The following ZC3H7A variants were observed in gnomAD, a reference collection of about 807,000 sequenced individuals.
ZC3H7A encodes zinc finger CCCH-type containing 7A, also known as zinc finger CCCH domain-containing protein 7A.
In ZC3H7A, 44 loss-of-function variants were observed where a neutral mutation model predicts 125.5. That is an observed-to-expected ratio of 0.35 (90% CI 0.28 to 0.45). The LOEUF (loss-of-function observed/expected upper bound fraction) is 0.45. Ranked by LOEUF, ZC3H7A falls within the 20% of genes least tolerant of loss-of-function variation. The pLI is 1.00. For synonymous variants in ZC3H7A, 399 were observed against 391.2 expected (o/e 1.02, Z -0.23); for missense variants, 977 against 1,170.7 (o/e 0.83, Z 2.41).
chr16:11,793,729 C>T (rs1596409956), intron 1 of ZC3H7A, among the ~76,000 whole-genome samples: 1 of 152,154 alleles, frequency 6.6e-6, no homozygotes, highest in African/African-American at 2.4e-5. Flanking sequence ...ACCTGGGGCA[C>T]AAGGCAAGCC....
intron 1 of ZC3H7A, among the ~76,000 whole-genome samples, chr16:11,787,732 G>T (rs565703573): frequency 6.6e-6 from 1 of 152,238 alleles, no homozygotes; most frequent in East Asian, 1.9e-4. Flanking sequence ...GATCACCTGA[G>T]GTCAGGAGTT....
chr16:11,763,393 GCCA>G, intron 16 of ZC3H7A, 82 bp downstream of exon 16: 1 of 1,379,590 alleles, frequency 7.2e-7, no homozygotes, highest in Non-Finnish European at 9.8e-7. Context: ...ACAGGCATGA[GCCA>G]CCACGCCAGG....
At chr16:11,779,872 TA>T (rs1284555264) in intron 3 of ZC3H7A, among the ~76,000 whole-genome samples, 29 of 100,604 alleles carry the variant, frequency 2.9e-4, no homozygotes, top group African/African-American at 1.4e-3. Context: ...GTTTTGTGTT[TA>T]TTTATTTTTT....
rs554159412 is a variant in ZC3H7A, at chr16:11,761,685, C to A, written c.2214-174G>T. The A allele has an allele frequency of 4.0e-5, 33 of 819,192 alleles. No individual in the cohort carries two copies. The East Asian group carries it at 8.1e-4, about 20-fold the overall frequency. 50.7% of individuals were successfully genotyped at this position (819,192 alleles called of 1,614,324 possible). A position where few individuals can be genotyped will look rare whatever the true frequency, so the allele number is the denominator to read the frequency against. ...TTCCTATTGTCATTTACAAACACTC[C>A]CTACAAACTCTAAACAAATTGATAA... On this transcript the variant is annotated intron_variant, in intron 18 of 22. Coordinates refer to ENST00000355758, the MANE Select transcript of ZC3H7A (RefSeq NM_014153.4).
Position 11,770,904 on chromosome 16 carries a change from T to C in ZC3H7A, c.987A>G (p.Leu329=), listed in dbSNP as rs1567382407. The part of the protein sequence containing the change: ...MPFSASLLGT[L]PIGARYAPPP... ...GAGGAGCATACCTCGCACCAATGGG[T>C]AAGGTTCCTAACAGCGATGCCGAAA... The change falls in exon 10 of 23, where the codon TTA becomes TTG. Residue 329 remains leucine (L), a synonymous_variant. Coordinates refer to ENST00000355758, the MANE Select transcript of ZC3H7A (RefSeq NM_014153.4). The C allele has an allele frequency of 6.2e-7, 1 of 1,613,986 alleles. No individual in the cohort carries two copies. The highest frequency in any genetic ancestry group is 8.5e-7 in the Non-Finnish European group (1 of 1,180,018).
intron 15 of ZC3H7A, among the ~76,000 whole-genome samples, chr16:11,764,505 C>T (rs916267818): frequency 5.9e-5 from 9 of 151,760 alleles, no homozygotes; most frequent in African/African-American, 1.7e-4. Context: ...GCTGAGATCG[C>T]GCCACTGCAC....
Position 11,781,475 on chromosome 16 carries a change from G to C in ZC3H7A, c.69-11C>G. 6.2e-7 allele frequency: 1 copy of C among 1,601,678 alleles called. No individual in the cohort carries two copies. Among genetic ancestry groups the C allele is most frequent in the Non-Finnish European group, 8.5e-7 (1 of 1,171,576 alleles). On this transcript the variant is annotated splice_polypyrimidine_tract_variant and intron_variant, in intron 2 of 22. Transcript: ENST00000355758. ...TATGACAGCGGTGACCTAAGAAGAA[G>C]AAACAAATTAACTGTAATTATCAAG... is the stretch of plus-strand genomic sequence containing the variant.
intron 1 of ZC3H7A, among the ~76,000 whole-genome samples, chr16:11,785,250 G>A (rs576748176): frequency 3.3e-5 from 5 of 152,066 alleles, no homozygotes; most frequent in African/African-American, 9.6e-5. Context: ...GAGTTGGGAG[G>A]ACTGATAGAG....
rs1356903909 is a variant in ZC3H7A at position 11,756,359 on chromosome 16, C to G, written c.2440G>C (p.Glu814Gln). 6.2e-7 allele frequency: 1 copy of G among 1,612,956 alleles called. No homozygotes were observed. ...YMKENGIQDMEQFYELWLKSQ... is the reference protein window; with the variant it reads ...YMKENGIQDMQQFYELWLKSQ... ...TTGAGCCATAGTTCGTAAAATTGCT[C>G]CATATCTTGTACTAAAGAAAAATGA... is the stretch of plus-strand genomic sequence containing the variant. Residue 814 changes from glutamate to glutamine, a missense_variant, in exon 21 of 23, where the codon GAG becomes CAG. Coordinates refer to ENST00000355758, the MANE Select transcript of ZC3H7A (RefSeq NM_014153.4).
chr16:11,761,096 A>G (rs1351367242), intron 19 of ZC3H7A, among the ~76,000 whole-genome samples: 2 of 152,222 alleles, frequency 1.3e-5, no homozygotes, highest in African/African-American at 4.8e-5. Flanking sequence ...ACAATTAAAT[A>G]AAATTTGCTC....
At chr16:11,795,835 G>A (rs2053428151) in intron 1 of ZC3H7A, among the ~76,000 whole-genome samples, 1 of 152,176 alleles carries the variant, frequency 6.6e-6, no homozygotes, top group Non-Finnish European at 1.5e-5. Context: ...TTTGTTTTGA[G>A]ACAGTGTCCC....
intron 12 of ZC3H7A, 145 bp downstream of exon 12, chr16:11,768,170 C>G (rs1207454765): frequency 5.4e-6 from 4 of 744,208 alleles, no homozygotes; most frequent in Non-Finnish European, 7.8e-6. Flanking sequence ...AAATCAGTAA[C>G]TGCTACTTGT....
intron 13 of ZC3H7A, among the ~76,000 whole-genome samples, chr16:11,766,651 G>A (rs1410701338): frequency 1.3e-5 from 2 of 152,202 alleles, no homozygotes; most frequent in Non-Finnish European, 2.9e-5. Flanking sequence ...GGGAAGCCCA[G>A]GCAGGCAGAT....
chr16:11,788,516 C>A (rs2053294430), intron 1 of ZC3H7A, among the ~76,000 whole-genome samples: 1 of 152,194 alleles, frequency 6.6e-6, no homozygotes, highest in African/African-American at 2.4e-5. Context: ...CTTAGCCACC[C>A]ATTTGCCCTT....
chr16:11,767,657 T>C, intron 12 of ZC3H7A, 79 bp from the exon 13 acceptor site: 1 of 1,296,194 alleles, frequency 7.7e-7, no homozygotes, highest in Admixed American at 2.6e-5. Flanking sequence ...CAAGCAGACA[T>C]GAACAGATGA....
At chr16:11,762,093 T>C in intron 17 of ZC3H7A, 50 bp from the exon 18 acceptor site, 1 of 1,509,518 alleles carries the variant, frequency 6.6e-7, no homozygotes, top group Non-Finnish European at 8.9e-7. Flanking sequence ...AAAACCAGTT[T>C]TCTGATGACA....
intron 1 of ZC3H7A, among the ~76,000 whole-genome samples, chr16:11,786,912 C>T (rs1436070553): frequency 6.6e-6 from 1 of 152,204 alleles, no homozygotes; most frequent in African/African-American, 2.4e-5. Flanking sequence ...TCAAAGTCAG[C>T]TGCAGATACC....
At position 11,751,466 on chromosome 16, in the gene ZC3H7A, A is replaced by G. The variant is rs772025198; in HGVS notation, c.2767T>C (p.Phe923Leu). 1.3e-5 allele frequency: 21 copies of G among 1,613,936 alleles called. No individual in the cohort carries two copies. The highest frequency in any genetic ancestry group is 1.7e-5 in the Admixed American group (1 of 59,974). Residue 923 changes from phenylalanine to leucine, a missense_variant, in exon 23 of 23, where the codon TTT (phenylalanine) becomes CTT (leucine). By Grantham distance (22) the Phe-to-Leu change is conservative. Coordinates refer to ENST00000355758, the MANE Select transcript of ZC3H7A (RefSeq NM_014153.4). ...GTCPEGNSCK[F>L]AHGNAELHEW... Reference sequence around the variant, plus strand: ...TGAAGTTCGGCATTTCCATGTGCAAATTTACAGCTGTTTCCTTCTGGGCAG... The same window carrying G: ...TGAAGTTCGGCATTTCCATGTGCAAGTTTACAGCTGTTTCCTTCTGGGCAG...
intron 11 of ZC3H7A, among the ~76,000 whole-genome samples, chr16:11,768,723 A>T (rs369982461): frequency 6.6e-6 from 1 of 152,070 alleles, no homozygotes; most frequent in East Asian, 1.9e-4. Context: ...CCTCCATATT[A>T]TAAGTAATAA....
Sources: gnomAD v4.1 joint callset for allele counts (sites outside exome capture counted in the v4.1 genomes callset) on GRCh38, gnomAD v4.1.1 for gene constraint, MANE v1.5 for transcripts, NCBI Gene and HGNC (gene_info 2026-07-23, HGNC 2026-07-21) for gene names.